Variants in CACNA2D2 observed in about 807,000 individuals in gnomAD.
The protein encoded by CACNA2D2 is calcium voltage-gated channel auxiliary subunit alpha2delta 2.
Under a neutral mutation model 166.4 loss-of-function variants are expected in CACNA2D2, and 48 were observed. The observed-to-expected ratio is 0.29, with a 90% CI of 0.23 to 0.37. The LOEUF (loss-of-function observed/expected upper bound fraction) is 0.37, where lower values mean the gene tolerates loss of function less well. Among genes scored for constraint, CACNA2D2 ranks in the 10% least tolerant of loss-of-function variants. The pLI, the probability that CACNA2D2 is intolerant of heterozygous loss-of-function variation, is 1.00. For missense variants in CACNA2D2, 1,122 were observed against 1,433.0 expected (o/e 0.78, Z 3.50); for synonymous variants, 561 against 573.7 (o/e 0.98, Z 0.32).
chr3:50,374,551 GA>G (rs1704866966), intron 22 of CACNA2D2, among the ~76,000 whole-genome samples, 185 bp downstream of exon 22: 2 of 152,094 alleles, frequency 1.3e-5, no homozygotes, highest in Admixed American at 1.3e-4. Flanking sequence ...CCGAATCTGA[GA>G]AAAGGCAAGC....
At position 50,372,055 on chromosome 3, in the gene CACNA2D2, GC is replaced by G. The variant is rs587744874; in HGVS notation, c.1985-1676del. 4.8e-3 allele frequency among the ~76,000 whole-genome samples: 728 copies of G among 152,138 alleles called. 8 individuals are homozygous for G. The highest frequency in any genetic ancestry group is 7.6e-3 in the Non-Finnish European group (515 of 67,978). On this transcript the variant is annotated intron_variant, in intron 22 of 37. Coordinates refer to ENST00000424201, the MANE Select transcript of CACNA2D2 (RefSeq NM_006030.4). ...CAGGTCATGGGGACATCCTCTTGTG[GC>G]TCTCCATGCCCCATCTGCCCAGGGA...
At position 50,404,193 on chromosome 3, in the gene CACNA2D2, T is replaced by C. The variant is rs1330769242; in HGVS notation, c.406-10025A>G. Among the ~76,000 whole-genome samples the C allele has an allele frequency of 2.0e-5, 3 of 151,986 alleles. No homozygotes were observed. The East Asian group carries it at 5.8e-4, about 29-fold the overall frequency. On this transcript the variant is annotated intron_variant, in intron 3 of 37. Transcript: ENST00000424201. Reference sequence around the variant, plus strand: ...GATGACAGAGAATAGGGATCCAAGATGGTGTGGGGGGTGAAGGTGTGAGTG... The same window carrying C: ...GATGACAGAGAATAGGGATCCAAGACGGTGTGGGGGGTGAAGGTGTGAGTG...
intron 2 of CACNA2D2, among the ~76,000 whole-genome samples, chr3:50,464,542 G>A (rs1443586499): frequency 1.3e-5 from 2 of 152,160 alleles, no homozygotes; most frequent in Non-Finnish European, 2.9e-5. Flanking sequence ...CTGCTGTGGG[G>A]GTGAAGCCAC....
At chr3:50,444,269 T>A (rs1363973668) in intron 2 of CACNA2D2, among the ~76,000 whole-genome samples, 2 of 152,188 alleles carry the variant, frequency 1.3e-5, no homozygotes, top group Admixed American at 6.5e-5. Flanking sequence ...TGGCTTTTCA[T>A]CTTACAGATG....
intron 3 of CACNA2D2, among the ~76,000 whole-genome samples, chr3:50,397,985 C>T (rs1051092084): frequency 2.6e-5 from 4 of 152,182 alleles, no homozygotes; most frequent in South Asian, 2.1e-4. Context: ...GCAGGGAGAC[C>T]GTGCCCACCC....
rs149979955 is a variant in CACNA2D2 at position 50,476,122 on chromosome 3, C to G, written c.284G>C (p.Arg95Pro). ...AGCAAGTGGCACCGGGCTCACCTCA[C>G]GGAGCTGCTGGACGCCTCCAAAAAT... Reference protein sequence around the residue: ...MRIFGGVQQLREIYKDNRNLF... With the variant: ...MRIFGGVQQLPEIYKDNRNLF... The change falls in exon 2 of 38, where the codon CGT (arginine) becomes CCT (proline). Residue 95 changes from arginine (R) to proline (P), a missense_variant. This residue lies in a region of CACNA2D2 where 840 missense variants were observed against 1,166.8 expected (regional missense o/e 0.72). Coordinates refer to ENST00000424201, the MANE Select transcript of CACNA2D2 (RefSeq NM_006030.4). The G allele has an allele frequency of 6.3e-7, 1 of 1,599,128 alleles. No homozygotes were observed. The highest frequency in any genetic ancestry group is 2.3e-5 in the East Asian group (1 of 44,344).
chr3:50,400,820 T>C (rs916897475), intron 3 of CACNA2D2, among the ~76,000 whole-genome samples: 15 of 152,254 alleles, frequency 9.9e-5, no homozygotes, highest in African/African-American at 3.1e-4. Context: ...TATTTTTTCC[T>C]TAACAAATTT....
At chr3:50,388,227 C>T (rs1559900729) in intron 4 of CACNA2D2, among the ~76,000 whole-genome samples, 1 of 152,188 alleles carries the variant, frequency 6.6e-6, no homozygotes, top group Non-Finnish European at 1.5e-5. Context: ...GCCATCTGTG[C>T]GTCATAATCA....
At chr3:50,470,369 A>AAGGGGTGGCCAACATGAGCC (rs2107059467) in intron 2 of CACNA2D2, among the ~76,000 whole-genome samples, 1 of 152,154 alleles carries the variant, frequency 6.6e-6, no homozygotes, top group Admixed American at 6.5e-5. Context: ...GGTGCCACAG[A>AAGGGGTGGCCAACATGAGCC]AGGGGTGGCC....
chr3:50,450,508 C>T (rs1217608135), intron 2 of CACNA2D2, among the ~76,000 whole-genome samples: 1 of 152,188 alleles, frequency 6.6e-6, no homozygotes, highest in African/African-American at 2.4e-5. Flanking sequence ...GCCCTGCACC[C>T]CCATCACCCT....
At chr3:50,482,461 T>C (rs2107120804) in intron 1 of CACNA2D2, among the ~76,000 whole-genome samples, 1 of 152,344 alleles carries the variant, frequency 6.6e-6, no homozygotes, top group East Asian at 1.9e-4. Flanking sequence ...GGCTTCCATT[T>C]CCACATTTGG....
chr3:50,483,819 G>C (rs1698163117), intron 1 of CACNA2D2, among the ~76,000 whole-genome samples: 1 of 152,172 alleles, frequency 6.6e-6, no homozygotes, highest in South Asian at 2.1e-4. Flanking sequence ...CCTGAGGCCT[G>C]AGCCAGTGGT....
chr3:50,498,550 G>C (rs984622781), intron 1 of CACNA2D2, among the ~76,000 whole-genome samples: 6 of 152,188 alleles, frequency 3.9e-5, no homozygotes, highest in African/African-American at 1.2e-4. Flanking sequence ...CTCAAAGCTG[G>C]GGGAAGGAAA....
chr3:50,428,105 TC>T (rs1267549162), intron 3 of CACNA2D2, among the ~76,000 whole-genome samples: 1 of 152,180 alleles, frequency 6.6e-6, no homozygotes, highest in Non-Finnish European at 1.5e-5. Flanking sequence ...CCAGTGGTTC[TC>T]AACTGGGGCA....
chr3:50,388,091 G>C (rs1301495618), intron 4 of CACNA2D2, among the ~76,000 whole-genome samples: 1 of 152,204 alleles, frequency 6.6e-6, no homozygotes, highest in South Asian at 2.1e-4. Flanking sequence ...AATGCGAGGG[G>C]GTTTCCACAA....
chr3:50,503,644 G>C (rs1372128857), upstream of CACNA2D2: 1 of 159,622 alleles, frequency 6.3e-6, no homozygotes, highest in East Asian at 1.8e-4. Flanking sequence ...TGAGCGCCCG[G>C]CCCGGGACCT....
At chr3:50,489,486 C>T (rs1560000665) in intron 1 of CACNA2D2, among the ~76,000 whole-genome samples, 1 of 152,228 alleles carries the variant, frequency 6.6e-6, no homozygotes, top group South Asian at 2.1e-4. Context: ...GGGCGCCAGA[C>T]AGGCAGGGCC....
At chr3:50,401,524 C>A (rs1453049533) in intron 3 of CACNA2D2, among the ~76,000 whole-genome samples, 1 of 152,122 alleles carries the variant, frequency 6.6e-6, no homozygotes, top group Non-Finnish European at 1.5e-5. Flanking sequence ...TGACTGTGAC[C>A]AGCCAGGGTG....
Position 50,366,738 on chromosome 3 carries a change from G to C in CACNA2D2, c.2589+93C>G. 1.9e-6 allele frequency: 3 copies of C among 1,544,356 alleles called. No homozygotes were observed. The highest frequency in any genetic ancestry group is 2.3e-5 in the East Asian group (1 of 44,006). ...TGCAGCTGGCCCTGCCTCCATGTAG[G>C]TGTTGGAGCCACTGAGTGGAGGGTT... On this transcript the variant is annotated intron_variant, in intron 29 of 37. Transcript: ENST00000424201. This position sits in a 1 kb window ranked among gnomAD's most constrained non-coding sequence, Gnocchi z 5.9.
Sources: gnomAD v4.1 joint callset for allele counts (sites outside exome capture counted in the v4.1 genomes callset) on GRCh38, gnomAD v4.1.1 for gene constraint, gnomAD v4.1.1 regional missense constraint, Gnocchi (gnomAD v3.1) non-coding constraint, MANE v1.5 for transcripts, NCBI Gene and HGNC (gene_info 2026-07-23, HGNC 2026-07-21) for gene names.